The following PIBF1 variants were observed in gnomAD, a reference collection of about 807,000 sequenced individuals.
PIBF1 encodes progesterone immunomodulatory binding factor 1.
PIBF1 carries 90 observed loss-of-function variants against 112.5 expected under a neutral mutation model. That is an observed-to-expected ratio of 0.80 (90% CI 0.67 to 0.95). The LOEUF is 0.95. PIBF1 is among the 40% of genes least tolerant of loss of function. The probability of loss-of-function intolerance (pLI) is 0.00; values close to 1 mark genes in which losing one functional copy is unlikely to be tolerated. For synonymous variants in PIBF1, 301 were observed against 288.6 expected (o/e 1.04, Z -0.44); for missense variants, 915 against 852.3 (o/e 1.07, Z -0.92).
At chr13:72,832,863 T>G (rs1341412873) in intron 8 of PIBF1, among the ~76,000 whole-genome samples, 2 of 152,150 alleles carry the variant, frequency 1.3e-5, no homozygotes, top group Non-Finnish European at 2.9e-5. Flanking sequence ...CTGAAGTGTT[T>G]TCCAACTTGG....
At chr13:72,932,015 C>T (rs777389632) in intron 14 of PIBF1, among the ~76,000 whole-genome samples, 7 of 138,594 alleles carry the variant, frequency 5.1e-5, no homozygotes, top group Non-Finnish European at 9.1e-5. Context: ...GATCACAGTT[C>T]ATTGCAACCT....
At chr13:72,901,227 C>G (rs2040473173) in intron 11 of PIBF1, 1 of 235,608 alleles carries the variant, frequency 4.2e-6, no homozygotes. Context: ...AAAACAATCC[C>G]ATCAAAAAGT....
At chr13:72,784,618 C>G (rs1162420325) in intron 2 of PIBF1, among the ~76,000 whole-genome samples, 2 of 151,744 alleles carry the variant, frequency 1.3e-5, no homozygotes, top group South Asian at 4.2e-4. Flanking sequence ...AATAGCCCCG[C>G]GTAGTGGTGC....
intron 10 of PIBF1, among the ~76,000 whole-genome samples, chr13:72,879,198 A>G (rs993943997): frequency 1.3e-5 from 2 of 151,276 alleles, no homozygotes; most frequent in African/African-American, 4.9e-5. Flanking sequence ...TTTTGGTTTT[A>G]ATTGGCATTA....
chr13:72,904,647 G>T (rs1335545096), intron 11 of PIBF1, among the ~76,000 whole-genome samples: 1 of 151,208 alleles, frequency 6.6e-6, no homozygotes, highest in Non-Finnish European at 1.5e-5. Flanking sequence ...TGCCGTGTTG[G>T]CCATGCTGAT....
intron 13 of PIBF1, among the ~76,000 whole-genome samples, chr13:72,928,006 C>CACACAT (rs750684543): frequency 0.031 from 3,097 of 99,548 alleles, 309 homozygotes; most frequent in African/African-American, 0.16. Context: ...CATATATATA[C>CACACAT]ATATATATAC....
chr13:73,007,303 T>TG (rs970707433), intron 17 of PIBF1, among the ~76,000 whole-genome samples: 6 of 150,304 alleles, frequency 4.0e-5, no homozygotes, highest in Non-Finnish European at 7.4e-5. Flanking sequence ...GTTTTTGTTT[T>TG]TTTTTTTTTT....
intron 10 of PIBF1, among the ~76,000 whole-genome samples, chr13:72,858,132 G>A (rs1229670524): frequency 6.6e-6 from 1 of 151,680 alleles, no homozygotes; most frequent in South Asian, 2.1e-4. Context: ...GCTCGCTGCA[G>A]CCTCTGCCTC....
chr13:72,824,059 G>C (rs917020090), intron 6 of PIBF1, among the ~76,000 whole-genome samples: 1 of 152,080 alleles, frequency 6.6e-6, no homozygotes, highest in Admixed American at 6.6e-5. Context: ...TGTCACCCAG[G>C]CTGGAGTGCA....
intron 6 of PIBF1, among the ~76,000 whole-genome samples, chr13:72,823,799 T>C (rs916298128): frequency 1.3e-5 from 2 of 152,224 alleles, no homozygotes; most frequent in Admixed American, 6.5e-5. Flanking sequence ...ATAATGTTCC[T>C]AGTTTTGGTT....
chr13:72,829,520 A>G (rs1253011227), intron 8 of PIBF1, among the ~76,000 whole-genome samples: 1 of 152,188 alleles, frequency 6.6e-6, no homozygotes, highest in Non-Finnish European at 1.5e-5. Context: ...TCCAAACAAC[A>G]TTTATTAAAT....
chr13:72,985,420 G>A (rs2043257829), intron 16 of PIBF1, among the ~76,000 whole-genome samples: 1 of 147,256 alleles, frequency 6.8e-6, no homozygotes, highest in African/African-American at 2.5e-5. Flanking sequence ...GTGCCTTGTA[G>A]TCCCAGCTAC....
At chr13:72,870,297 C>T (rs1238790273) in intron 10 of PIBF1, among the ~76,000 whole-genome samples, 1 of 152,116 alleles carries the variant, frequency 6.6e-6, no homozygotes. Context: ...TGTTGCTTGC[C>T]TTGTTTCCTT....
chr13:72,789,822 A>T (rs1443545522), intron 2 of PIBF1, among the ~76,000 whole-genome samples: 3 of 151,988 alleles, frequency 2.0e-5, no homozygotes, highest in African/African-American at 4.8e-5. Flanking sequence ...ATTTCCTTTG[A>T]GTGTCATAGT....
In PIBF1 at chr13:72,870,287, T is replaced by G. The variant is rs765694782; in HGVS notation, c.1322+16132T>G. 4.0e-4 allele frequency among the ~76,000 whole-genome samples: 61 copies of G among 152,218 alleles called. 1 individual carries two copies. Among genetic ancestry groups the G allele is most frequent in the Non-Finnish European group, 1.2e-4 (8 of 68,040 alleles). On this transcript the variant is annotated intron_variant, in intron 10 of 17. Transcript: ENST00000326291. ...CTTCCTGTCGATTTCAAATGTTTAA[T>G]GTTGCTTGCCTTGTTTCCTTTTATT...
intron 9 of PIBF1, among the ~76,000 whole-genome samples, chr13:72,850,228 T>C (rs1024393760): frequency 6.6e-6 from 1 of 152,236 alleles, no homozygotes; most frequent in Non-Finnish European, 1.5e-5. Flanking sequence ...CCTTAGCTTC[T>C]TCTGGTCCAT....
Position 72,827,127 on chromosome 13 carries a change from ATAAT to A in PIBF1, c.915+12_915+15del. ...GTGAATTATCAAAAGAGGTAAGCTT[ATAAT>A]TAGAGTCACTTATATTATATAGCAT... On this transcript the variant is annotated intron_variant, in intron 7 of 17. Transcript: ENST00000326291. 7.1e-7 allele frequency: 1 copy of A among 1,416,828 alleles called. No homozygotes were observed. Among genetic ancestry groups the A allele is most frequent in the Non-Finnish European group, 9.8e-7 (1 of 1,018,706 alleles). The allele number at this position is 1,416,828 out of a possible 1,614,324, so 87.8% of individuals were successfully genotyped here.
intron 16 of PIBF1, among the ~76,000 whole-genome samples, chr13:72,998,471 TAAA>T (rs71198167): frequency 1.5e-5 from 2 of 135,816 alleles, no homozygotes; most frequent in African/African-American, 5.5e-5. Flanking sequence ...AGATCCTATC[TAAA>T]AAAAAAAAAA....
rs2040790605 is a variant in PIBF1 at position 72,908,698 on chromosome 13, A to G, written c.1639+17A>G. ...CTGCAGAAAGTAAGTCTTCCCCCAC[A>G]CACACATGCACAACTTTTTTTTTTC... On this transcript the variant is annotated intron_variant, in intron 12 of 17. Coordinates refer to ENST00000326291, the MANE Select transcript of PIBF1 (RefSeq NM_006346.4). 1.3e-6 allele frequency: 2 copies of G among 1,583,488 alleles called. No homozygotes were observed. The highest frequency in any genetic ancestry group is 1.7e-6 in the Non-Finnish European group (2 of 1,169,254).
Sources: allele counts gnomAD v4.1 joint callset (sites outside exome capture counted in the v4.1 genomes callset), GRCh38; gene constraint gnomAD v4.1.1; transcripts MANE v1.5; gene names NCBI Gene and HGNC (gene_info 2026-07-23, HGNC 2026-07-21).